Variants in CALN1 observed in about 807,000 individuals in gnomAD.
CALN1 encodes the protein calneuron 1.
CALN1 carries 17 observed loss-of-function variants against 30.6 expected under a neutral mutation model. The ratio of observed to expected loss-of-function variants is 0.56; its 90% confidence interval spans 0.38 to 0.83. The LOEUF (loss-of-function observed/expected upper bound fraction) is 0.83, where lower values mean the gene tolerates loss of function less well. Among genes scored for constraint, CALN1 ranks in the 40% least tolerant of loss-of-function variants. CALN1 has a pLI of 0.00. For synonymous variants in CALN1, 156 were observed against 131.4 expected (o/e 1.19, Z -1.28); for missense variants, 291 against 354.9 (o/e 0.82, Z 1.45).
At chr7:72,170,328 A>G (rs1766088666) in intron 3 of CALN1, among the ~76,000 whole-genome samples, 1 of 152,008 alleles carries the variant, frequency 6.6e-6, no homozygotes, top group Non-Finnish European at 1.5e-5. Context: ...TCTCTTGTCT[A>G]TTTATGGCCT....
chr7:72,305,051 C>A (rs1292107865), intron 2 of CALN1, among the ~76,000 whole-genome samples: 1 of 152,210 alleles, frequency 6.6e-6, no homozygotes, highest in African/African-American at 2.4e-5. Context: ...TCGCATGTGA[C>A]CTGCTGTCTG....
intron 2 of CALN1, among the ~76,000 whole-genome samples, chr7:72,390,876 G>A (rs920647957): frequency 1.3e-5 from 2 of 152,002 alleles, no homozygotes; most frequent in Non-Finnish European, 2.9e-5. Flanking sequence ...TCCCTTTGTT[G>A]TTACCTCAAG....
intron 6 of CALN1, among the ~76,000 whole-genome samples, chr7:71,788,977 C>A (rs954349688): frequency 6.6e-6 from 1 of 151,452 alleles, no homozygotes; most frequent in African/African-American, 2.4e-5. Flanking sequence ...TTTTAATTTT[C>A]ATTTTTGTAG....
At chr7:72,403,199 C>A in intron 2 of CALN1, 52 bp downstream of exon 2, 1 of 1,456,468 alleles carries the variant, frequency 6.9e-7, no homozygotes, top group South Asian at 1.2e-5. Flanking sequence ...CACCCCCTAC[C>A]TGAGGGCTGC....
the CALN1 span, among the ~76,000 whole-genome samples, chr7:72,460,619 GA>G: frequency 6.6e-6 from 1 of 152,056 alleles, no homozygotes; most frequent in Non-Finnish European, 1.5e-5. Context: ...GCAGCAGATT[GA>G]GACTCAGTCT....
At chr7:71,993,035 G>C (rs1799040120) in intron 5 of CALN1, among the ~76,000 whole-genome samples, 2 of 150,526 alleles carry the variant, frequency 1.3e-5, no homozygotes, top group South Asian at 4.2e-4. Context: ...AGAACCATTG[G>C]AGAAGAAAGG....
At chr7:72,232,940 A>G (rs1794215295) in intron 3 of CALN1, among the ~76,000 whole-genome samples, 1 of 152,116 alleles carries the variant, frequency 6.6e-6, no homozygotes, top group South Asian at 2.1e-4. Flanking sequence ...AATTTGCTAT[A>G]TTTTTAATTT....
At chr7:72,081,998 T>G (rs1805176651) in intron 4 of CALN1, among the ~76,000 whole-genome samples, 1 of 152,092 alleles carries the variant, frequency 6.6e-6, no homozygotes. Context: ...ACCTTTTTTT[T>G]TCTTTTGAGA....
chr7:72,466,122 G>A, the CALN1 span, among the ~76,000 whole-genome samples: 7 of 152,192 alleles, frequency 4.6e-5, no homozygotes, highest in Non-Finnish European at 7.3e-5. Context: ...GAGCTGTTTA[G>A]GTGGAGGTCA....
intron 5 of CALN1, among the ~76,000 whole-genome samples, chr7:71,933,993 C>T (rs922836794): frequency 2.0e-5 from 3 of 152,096 alleles, no homozygotes; most frequent in Non-Finnish European, 4.4e-5. Flanking sequence ...CAGCTTCAGT[C>T]GGGGGCTGCC....
intron 3 of CALN1, among the ~76,000 whole-genome samples, chr7:72,145,456 C>A (rs1172124318): frequency 2.0e-5 from 3 of 152,158 alleles, no homozygotes; most frequent in East Asian, 1.9e-4. Context: ...CAATAACAGG[C>A]TCTGAAGTTG....
intron 3 of CALN1, among the ~76,000 whole-genome samples, chr7:72,119,349 A>C (rs960799900): frequency 1.3e-5 from 2 of 151,966 alleles, no homozygotes; most frequent in African/African-American, 4.8e-5. Flanking sequence ...AAACTGTCAG[A>C]TCTCATGAGG....
intron 3 of CALN1, among the ~76,000 whole-genome samples, chr7:72,271,668 G>A (rs1389990550): frequency 2.7e-5 from 4 of 148,566 alleles, no homozygotes; most frequent in Non-Finnish European, 5.9e-5. Flanking sequence ...GAGGAAGGAG[G>A]AGATCTAGGT....
intron 3 of CALN1, among the ~76,000 whole-genome samples, chr7:72,189,353 G>T (rs1031082785): frequency 1.3e-5 from 2 of 152,156 alleles, no homozygotes; most frequent in Admixed American, 6.5e-5. Flanking sequence ...TTACAGAAAA[G>T]AATTTTGTTT....
At chr7:72,375,473 G>A (rs978955303) in intron 2 of CALN1, among the ~76,000 whole-genome samples, 2 of 151,670 alleles carry the variant, frequency 1.3e-5, no homozygotes, top group Non-Finnish European at 2.9e-5. Context: ...GCTGAGGTGG[G>A]GAGAATTACT....
chr7:71,917,070 A>G (rs1794718909), intron 5 of CALN1, among the ~76,000 whole-genome samples: 1 of 152,212 alleles, frequency 6.6e-6, no homozygotes, highest in Admixed American at 6.5e-5. Context: ...AGCCTAAGAA[A>G]TGGTAATGAG....
chr7:72,446,527 G>T (rs76076393), intron 1 of CALN1, among the ~76,000 whole-genome samples: 1 of 152,100 alleles, frequency 6.6e-6, no homozygotes, highest in African/African-American at 2.4e-5. Context: ...GGGCGGGGAG[G>T]GGGGACAGGT....
At chr7:72,185,205 C>A (rs567405924) in intron 3 of CALN1, among the ~76,000 whole-genome samples, 51 of 151,952 alleles carry the variant, frequency 3.4e-4, no homozygotes, top group Non-Finnish European at 6.2e-4. Context: ...AGAGTCCAAG[C>A]GTAGAAAATG....
At chr7:72,031,734 A>ATTTT (rs544026184) in intron 4 of CALN1, among the ~76,000 whole-genome samples, 6 of 114,676 alleles carry the variant, frequency 5.2e-5, no homozygotes, top group South Asian at 5.3e-4. Flanking sequence ...CGCCTGGCTA[A>ATTTT]TTTTTTTTTT....
Sources: allele counts gnomAD v4.1 joint callset (sites outside exome capture counted in the v4.1 genomes callset), GRCh38; gene constraint gnomAD v4.1.1; transcripts MANE v1.5; gene names NCBI Gene and HGNC (gene_info 2026-07-23, HGNC 2026-07-21).